Variants in SETBP1 observed in about 807,000 individuals in gnomAD.
SETBP1 encodes SET binding protein 1, also known as SET-binding protein.
Under a neutral mutation model 101.0 loss-of-function variants are expected in SETBP1, and 9 were observed. The ratio of observed to expected loss-of-function variants is 0.09; its 90% CI spans 0.05 to 0.16. SETBP1 has a LOEUF of 0.16. SETBP1 is among the 10% of genes least tolerant of loss of function. SETBP1 has a pLI of 1.00. For synonymous variants in SETBP1, 818 were observed against 788.5 expected, an observed-to-expected ratio of 1.04 and a Z score of -0.63; for missense variants, 1,858 against 2,033.8, an observed-to-expected ratio of 0.91 and a Z score of 1.66.
intron 3 of SETBP1, among the ~76,000 whole-genome samples, chr18:44,916,342 C>T (rs2070427187): frequency 6.6e-6 from 1 of 152,198 alleles, no homozygotes; most frequent in African/African-American, 2.4e-5. Flanking sequence ...TTCAGGCTGG[C>T]TGGAGTTTGT....
At position 44,952,068 on chromosome 18, in the gene SETBP1, A is replaced by G; in HGVS notation, c.2728A>G (p.Ser910Gly). The change falls in exon 4 of 6, where the codon AGC (serine) becomes GGC (glycine). Residue 910 changes from serine (S) to glycine (G), a missense_variant. Ser to Gly is a moderately conservative substitution (Grantham distance 56). Around this residue, in one of 12 missense-constraint regions of SETBP1, gnomAD observed 255 missense variants for 300.1 expected, o/e 0.85. Coordinates refer to ENST00000649279, the MANE Select transcript of SETBP1 (RefSeq NM_015559.3). ...CCCGGAGGCCATTCCGTCCGACACCAGCACAAAGAACCGGCATGGCCACCG... is the reference window on the plus strand; with the variant it reads ...CCCGGAGGCCATTCCGTCCGACACCGGCACAAAGAACCGGCATGGCCACCG... The part of the protein sequence containing the change: ...DNPEAIPSDT[S>G]TKNRHGHRQK... The G allele has an allele frequency of 6.2e-7, 1 of 1,614,156 alleles. No individual in the cohort carries two copies. The highest frequency in any genetic ancestry group is 8.5e-7 in the Non-Finnish European group (1 of 1,180,036).
chr18:44,899,769 G>C (rs2069997546), intron 3 of SETBP1, among the ~76,000 whole-genome samples: 2 of 152,226 alleles, frequency 1.3e-5, no homozygotes, highest in South Asian at 4.2e-4. Context: ...CTCTAAGGTA[G>C]AAGAGACCCA....
chr18:44,909,359 C>G (rs1482735079), intron 3 of SETBP1, among the ~76,000 whole-genome samples: 2 of 152,180 alleles, frequency 1.3e-5, no homozygotes, highest in Non-Finnish European at 2.9e-5. Flanking sequence ...ATCCAGTAAT[C>G]CAGTTTGTAG....
In SETBP1 at chr18:45,047,265, C is replaced by T. The variant is rs188885124; in HGVS notation, c.4171+8610C>T. On this transcript the variant is annotated intron_variant, in intron 5 of 5. Coordinates refer to ENST00000649279, the MANE Select transcript of SETBP1 (RefSeq NM_015559.3). The stretch of plus-strand genomic sequence containing the variant: ...CACTCGGAAAAGAAAACCTCCCATA[C>T]GTGAAGCGATTTCTATTAAGATACT... Among the ~76,000 whole-genome samples the T allele has an allele frequency of 2.2e-3, 334 of 152,224 alleles. 3 individuals are homozygous for T. The highest frequency in any genetic ancestry group is 6.7e-3 in the African/African-American group (277 of 41,536).
At chr18:45,048,170 C>T (rs2073649724) in intron 5 of SETBP1, among the ~76,000 whole-genome samples, 1 of 152,170 alleles carries the variant, frequency 6.6e-6, no homozygotes, top group Non-Finnish European at 1.5e-5. Flanking sequence ...TTGCGGTGTC[C>T]TCATTATAGT....
intron 5 of SETBP1, among the ~76,000 whole-genome samples, chr18:45,051,987 CA>C: frequency 6.6e-6 from 1 of 152,058 alleles, no homozygotes; most frequent in East Asian, 1.9e-4. Context: ...ACAGACTTTA[CA>C]AAATAGATCG....
chr18:44,893,728 G>GGA (rs1162442231), intron 3 of SETBP1, among the ~76,000 whole-genome samples: 2 of 152,020 alleles, frequency 1.3e-5, no homozygotes, highest in African/African-American at 4.8e-5. Flanking sequence ...AAAGAGGGAG[G>GGA]GAGAGAGAGA....
rs148084476 is a variant in SETBP1 at position 44,804,858 on chromosome 18, G to C, written c.487-64372G>C. On this transcript the variant is annotated intron_variant, in intron 2 of 5. Transcript: ENST00000649279. ...TTACACTCTCATGGTTTTTTTCTCC[G>C]GATATGGGGGAACATCCTTAAGGGC... Among the ~76,000 whole-genome samples the C allele has an allele frequency of 5.7e-3, 861 of 152,092 alleles. 11 individuals carry two copies. The highest frequency in any genetic ancestry group is 0.02 in the African/African-American group (814 of 41,500).
chr18:45,037,818 A>C (rs1420566586), intron 4 of SETBP1, among the ~76,000 whole-genome samples: 1 of 152,138 alleles, frequency 6.6e-6, no homozygotes, highest in East Asian at 1.9e-4. Context: ...CAGGCTGATG[A>C]CACACTAATC....
intron 4 of SETBP1, among the ~76,000 whole-genome samples, chr18:44,958,973 C>T (rs2071553110): frequency 6.6e-6 from 1 of 152,062 alleles, no homozygotes; most frequent in Non-Finnish European, 1.5e-5. Flanking sequence ...TAACCCATAA[C>T]TTTGTAGCAA....
intron 3 of SETBP1, among the ~76,000 whole-genome samples, chr18:44,914,051 G>C (rs1381809371): frequency 6.6e-6 from 1 of 152,166 alleles, no homozygotes; most frequent in African/African-American, 2.4e-5. Flanking sequence ...CCTTAGCTGG[G>C]GGACAGGCCC....
At position 44,955,187 on chromosome 18, in the gene SETBP1, G is replaced by A. The variant is rs527338680; in HGVS notation, c.4000+1847G>A. Among the ~76,000 whole-genome samples the A allele has an allele frequency of 7.2e-5, 11 of 152,304 alleles. No individual in the cohort carries two copies. The East Asian group carries it at 7.7e-4, about 11-fold the overall frequency. ...ATAAAATTTCCCAGCTGGGGTTCACGTCCAGTCACTGTGTGCCCCCACTCT... is the reference window on the plus strand; with the variant it reads ...ATAAAATTTCCCAGCTGGGGTTCACATCCAGTCACTGTGTGCCCCCACTCT... On this transcript the variant is annotated intron_variant, in intron 4 of 5. Transcript: ENST00000649279.
At chr18:44,995,608 A>G (rs1011820729) in intron 4 of SETBP1, among the ~76,000 whole-genome samples, 1 of 150,508 alleles carries the variant, frequency 6.6e-6, no homozygotes, top group Non-Finnish European at 1.5e-5. Flanking sequence ...ACATTTCTGT[A>G]TTCATCCATT....
intron 4 of SETBP1, among the ~76,000 whole-genome samples, chr18:44,962,488 T>C (rs987682161): frequency 1.3e-5 from 2 of 152,010 alleles, no homozygotes; most frequent in Non-Finnish European, 2.9e-5. Context: ...AATGATGAAG[T>C]ACCAAGAAAC....
chr18:44,924,501 T>A (rs1482721141), intron 3 of SETBP1, among the ~76,000 whole-genome samples: 9 of 152,196 alleles, frequency 5.9e-5, no homozygotes, highest in Non-Finnish European at 1.2e-4. Flanking sequence ...ATACCCTTTA[T>A]CATATTAGCC....
rs188443314 is a variant in SETBP1 at position 44,802,848 on chromosome 18, C to T, written c.487-66382C>T. On this transcript the variant is annotated intron_variant, in intron 2 of 5. Coordinates refer to ENST00000649279, the MANE Select transcript of SETBP1 (RefSeq NM_015559.3). The stretch of plus-strand genomic sequence containing the variant: ...TTCATTTCTGGCCATGGGGTATGCA[C>T]GTCGGTAACCTGCCAGTCCTCCAAG... Among the ~76,000 whole-genome samples the T allele has an allele frequency of 2.0e-3, 302 of 152,220 alleles. 1 individual carries two copies. The highest frequency in any genetic ancestry group is 3.0e-3 in the Non-Finnish European group (205 of 68,002).
chr18:44,727,085 T>A (rs963510019), intron 2 of SETBP1, among the ~76,000 whole-genome samples: 1 of 152,196 alleles, frequency 6.6e-6, no homozygotes, highest in Non-Finnish European at 1.5e-5. Context: ...GAAGTCCTTT[T>A]CCATAATGTT....
At chr18:44,949,079 G>A (rs11659785) in intron 3 of SETBP1, among the ~76,000 whole-genome samples, 35,757 of 152,050 alleles carry the variant, frequency 0.24, 4,517 homozygotes, top group East Asian at 0.55. Flanking sequence ...TACGTAATAC[G>A]AAGTTTAAGG....
chr18:44,771,235 G>T (rs955163684), intron 2 of SETBP1, among the ~76,000 whole-genome samples: 8 of 149,682 alleles, frequency 5.3e-5, no homozygotes, highest in Non-Finnish European at 1.2e-4. Flanking sequence ...GCATTCTTTG[G>T]ATGGTAGGAT....
Sources: gnomAD v4.1 joint callset for allele counts (sites outside exome capture counted in the v4.1 genomes callset) on GRCh38, gnomAD v4.1.1 for gene constraint, gnomAD v4.1.1 regional missense constraint, MANE v1.5 for transcripts, NCBI Gene and HGNC (gene_info 2026-07-23, HGNC 2026-07-21) for gene names.